Variants in KHDRBS2 observed in about 807,000 individuals in gnomAD.
KHDRBS2 encodes the protein KH domain-containing, RNA-binding, signal transduction-associated protein 2.
In KHDRBS2, 26 loss-of-function variants were observed where a neutral mutation model predicts 44.3. The observed-to-expected ratio is 0.59, with a 90% confidence interval of 0.43 to 0.81. KHDRBS2 has a LOEUF of 0.81. Ranked by LOEUF, KHDRBS2 falls within the 40% of genes least tolerant of loss-of-function variation. The probability of loss-of-function intolerance (pLI) is 0.00; values close to 1 mark genes in which losing one functional copy is unlikely to be tolerated. For synonymous variants in KHDRBS2, 194 were observed against 151.1 expected (o/e 1.28, Z -2.08); for missense variants, 476 against 433.1 (o/e 1.10, Z -0.88).
intron 1 of KHDRBS2, among the ~76,000 whole-genome samples, chr6:62,241,509 C>T (rs1834664649): frequency 6.6e-6 from 1 of 151,922 alleles, no homozygotes; most frequent in Non-Finnish European, 1.5e-5. Flanking sequence ...GTGCACTGTT[C>T]CACATAGTTT....
In KHDRBS2 at chr6:61,697,227, T is replaced by C. The variant is rs756705584; in HGVS notation, c.920A>G (p.His307Arg). Residue 307 changes from histidine (H) to arginine (R), a missense_variant, in exon 8 of 9, where the codon CAT becomes CGT. Transcript: ENST00000281156. The part of the protein sequence containing the change: ...QSVPEYYDYG[H>R]GVSEDAYDSY... ...GTCATAGGCATCCTCACTTACTCCA[T>C]GACCGTAGTCATAGTATTCAGGCAC... 1 of 1,610,338 alleles carries C rather than the reference T, an allele frequency of 6.2e-7. No individual in the cohort carries two copies.
chr6:61,567,428 G>C, the KHDRBS2 span, among the ~76,000 whole-genome samples: 1 of 152,072 alleles, frequency 6.6e-6, no homozygotes, highest in African/African-American at 2.4e-5. Flanking sequence ...CAGCCTATTC[G>C]TTTGAGACCA....
chr6:62,159,739 C>A (rs762213300), intron 2 of KHDRBS2, among the ~76,000 whole-genome samples: 1 of 152,094 alleles, frequency 6.6e-6, no homozygotes, highest in Admixed American at 6.6e-5. Flanking sequence ...GTATTATATA[C>A]TGTATTACTA....
the KHDRBS2 span, among the ~76,000 whole-genome samples, chr6:61,596,925 C>G: frequency 6.6e-6 from 1 of 152,102 alleles, no homozygotes; most frequent in African/African-American, 2.4e-5. Context: ...GCTGGAATTA[C>G]AGGTGTGAGC....
At chr6:62,141,269 C>A (rs554525285) in intron 2 of KHDRBS2, among the ~76,000 whole-genome samples, 1 of 152,002 alleles carries the variant, frequency 6.6e-6, no homozygotes, top group Non-Finnish European at 1.5e-5. Context: ...ATGCTTTCTT[C>A]GTACAATGGG....
the KHDRBS2 span, among the ~76,000 whole-genome samples, chr6:61,631,430 G>A: frequency 1.3e-5 from 2 of 151,634 alleles, no homozygotes; most frequent in African/African-American, 4.8e-5. Context: ...AAGGGGGAAG[G>A]GTTAGAAAAT....
intron 6 of KHDRBS2, among the ~76,000 whole-genome samples, chr6:61,738,703 C>T (rs974278075): frequency 9.9e-5 from 15 of 152,010 alleles, no homozygotes; most frequent in African/African-American, 2.6e-4. Flanking sequence ...AAAATGAGCC[C>T]TTTTCAAATC....
At chr6:62,093,125 A>C (rs116060391) in intron 2 of KHDRBS2, among the ~76,000 whole-genome samples, 1 of 152,090 alleles carries the variant, frequency 6.6e-6, no homozygotes, top group Non-Finnish European at 1.5e-5. Context: ...TTAATTAGGC[A>C]TAAACTCATT....
chr6:62,028,808 T>A (rs965789199), intron 3 of KHDRBS2, among the ~76,000 whole-genome samples: 10 of 152,100 alleles, frequency 6.6e-5, no homozygotes, highest in African/African-American at 1.9e-4. Context: ...TTTCAACTAG[T>A]CAATTTCAGA....
chr6:61,714,221 A>G (rs1771011278), intron 7 of KHDRBS2, among the ~76,000 whole-genome samples: 1 of 151,948 alleles, frequency 6.6e-6, no homozygotes, highest in Non-Finnish European at 1.5e-5. Flanking sequence ...AAACCCCCAA[A>G]TAATCCCATT....
At chr6:61,849,605 A>G (rs1165451991) in intron 6 of KHDRBS2, among the ~76,000 whole-genome samples, 1 of 151,910 alleles carries the variant, frequency 6.6e-6, no homozygotes, top group East Asian at 1.9e-4. Context: ...CAGTGGCCTG[A>G]CAAGTAATGT....
At chr6:61,933,828 G>A (rs1046593178) in intron 4 of KHDRBS2, among the ~76,000 whole-genome samples, 1 of 152,102 alleles carries the variant, frequency 6.6e-6, no homozygotes, top group African/African-American at 2.4e-5. Context: ...AATATGGATT[G>A]CTGGATCATT....
At chr6:61,573,921 G>A in the KHDRBS2 span, among the ~76,000 whole-genome samples, 18 of 151,080 alleles carry the variant, frequency 1.2e-4, no homozygotes, top group East Asian at 3.3e-3. Context: ...ACAGAACAGT[G>A]CTGGTATTAA....
At position 61,848,511 on chromosome 6, in the gene KHDRBS2, G is replaced by GTATATATATATACA. The variant is rs1178845054; in HGVS notation, c.810+46123_810+46124insTGTATATATATATA. Among the ~76,000 whole-genome samples the GTATATATATATACA allele has an allele frequency of 9.3e-4, 28 of 30,052 alleles. 1 individual carries two copies. Among genetic ancestry groups the GTATATATATATACA allele is most frequent in the African/African-American group, 5.3e-3 (28 of 5,242 alleles). 19.7% of individuals were successfully genotyped at this position (30,052 alleles called of 152,430 possible). ...TATATGTATATATATATATATATATGTATATATGTATATATATATACATAT... is the reference window on the plus strand; with the variant it reads ...TATATGTATATATATATATATATATGTATATATATATACATATATATGTATATATATATACATAT... On this transcript the variant is annotated intron_variant, in intron 6 of 8. Transcript: ENST00000281156.
chr6:62,209,050 A>C (rs1158220708), intron 1 of KHDRBS2, among the ~76,000 whole-genome samples: 1 of 152,198 alleles, frequency 6.6e-6, no homozygotes, highest in East Asian at 1.9e-4. Context: ...GAAACAATCA[A>C]TGAAATAAAA....
intron 6 of KHDRBS2, among the ~76,000 whole-genome samples, chr6:61,793,639 G>A (rs1489392116): frequency 2.0e-5 from 3 of 151,802 alleles, no homozygotes. Context: ...GAGTCTATGG[G>A]GGTATGTTAT....
chr6:61,787,736 T>G (rs1188361498), intron 6 of KHDRBS2, among the ~76,000 whole-genome samples: 1 of 151,724 alleles, frequency 6.6e-6, no homozygotes, highest in African/African-American at 2.4e-5. Flanking sequence ...TCCTGGTTTC[T>G]TCCAATCAGA....
chr6:61,794,865 G>A (rs540002619), intron 6 of KHDRBS2, among the ~76,000 whole-genome samples: 5 of 151,946 alleles, frequency 3.3e-5, no homozygotes, highest in Non-Finnish European at 7.4e-5. Context: ...CAGGCCGGGC[G>A]CAGTGGCTAA....
chr6:62,227,368 A>AT (rs1298678313), intron 1 of KHDRBS2, among the ~76,000 whole-genome samples: 5 of 152,008 alleles, frequency 3.3e-5, no homozygotes, highest in Admixed American at 6.6e-5. Flanking sequence ...TTGTACAGTG[A>AT]TTTTTTTATC....
Sources: gnomAD v4.1 joint callset for allele counts (sites outside exome capture counted in the v4.1 genomes callset) on GRCh38, gnomAD v4.1.1 for gene constraint, MANE v1.5 for transcripts, NCBI Gene and HGNC (gene_info 2026-07-23, HGNC 2026-07-21) for gene names.